The following PDE7B variants were observed in gnomAD, a reference collection of about 807,000 sequenced individuals.
PDE7B encodes phosphodiesterase 7B.
In PDE7B, 29 loss-of-function variants were observed where a neutral mutation model predicts 56.2. That is an observed-to-expected ratio of 0.52 (90% CI 0.38 to 0.70). The LOEUF is 0.70. Among genes scored for constraint, PDE7B ranks in the 30% least tolerant of loss-of-function variants. The pLI is 0.00. For synonymous variants in PDE7B, 197 were observed against 196.9 expected (o/e 1.00, Z 0.00); for missense variants, 490 against 565.0 (o/e 0.87, Z 1.35).
intron 1 of PDE7B, among the ~76,000 whole-genome samples, chr6:135,946,735 A>T (rs1774602564): frequency 6.6e-6 from 1 of 151,790 alleles, no homozygotes; most frequent in Admixed American, 6.6e-5. Flanking sequence ...TACTTTATCC[A>T]TTTTTCTATT....
At chr6:135,920,520 T>A (rs1025646623) in intron 1 of PDE7B, among the ~76,000 whole-genome samples, 6 of 152,170 alleles carry the variant, frequency 3.9e-5, no homozygotes, top group Admixed American at 3.3e-4. Context: ...AAAAGACCAG[T>A]CTCTCTGGAC....
intron 2 of PDE7B, among the ~76,000 whole-genome samples, chr6:136,053,529 G>A (rs1418813488): frequency 1.3e-5 from 2 of 152,120 alleles, no homozygotes; most frequent in African/African-American, 4.8e-5. Context: ...ATGTGTGCAT[G>A]TGTCTTTAGA....
intron 2 of PDE7B, among the ~76,000 whole-genome samples, chr6:136,099,765 C>T (rs1363032591): frequency 6.6e-6 from 1 of 152,160 alleles, no homozygotes. Context: ...TGTGCAGAAG[C>T]TCTTTAGTTT....
chr6:136,112,342 C>A (rs1777763221), intron 3 of PDE7B, among the ~76,000 whole-genome samples: 1 of 152,174 alleles, frequency 6.6e-6, no homozygotes, highest in Non-Finnish European at 1.5e-5. Flanking sequence ...CCTCCTCCTG[C>A]CTGTTTTGGT....
At chr6:136,065,293 C>T (rs1427183440) in intron 2 of PDE7B, among the ~76,000 whole-genome samples, 1 of 152,134 alleles carries the variant, frequency 6.6e-6, no homozygotes, top group South Asian at 2.1e-4. Context: ...ACAAAACCAC[C>T]TTTGAGGCTA....
chr6:135,922,688 A>G (rs548820204), intron 1 of PDE7B, among the ~76,000 whole-genome samples: 2 of 152,328 alleles, frequency 1.3e-5, no homozygotes, highest in Non-Finnish European at 2.9e-5. Flanking sequence ...TTATGAAACA[A>G]TGAATGCAAA....
At chr6:135,949,305 A>G (rs1209921040) in intron 2 of PDE7B, among the ~76,000 whole-genome samples, 2 of 152,070 alleles carry the variant, frequency 1.3e-5, no homozygotes, top group Admixed American at 1.3e-4. Context: ...GTTTATAGCT[A>G]GAACAGTAAG....
chr6:136,151,782 A>ATCACAAGGTC (rs71006788), intron 6 of PDE7B, among the ~76,000 whole-genome samples: 1 of 151,560 alleles, frequency 6.6e-6, no homozygotes, highest in Admixed American at 6.6e-5. Context: ...AAAAATACAA[A>ATCACAAGGTC]AAAAAAATTA....
chr6:136,167,846 C>T lies in PDE7B; in HGVS notation c.712-5951C>T, dbSNP rs116655188. Among the ~76,000 whole-genome samples, 929 of 152,280 alleles carry T rather than the reference C, an allele frequency of 6.1e-3. 8 individuals carry two copies. Among genetic ancestry groups the T allele is most frequent in the African/African-American group, 0.021 (893 of 41,558 alleles). ...GATACAAAAGGAACAAGGTCGGCTGCCTACTCATACCTAGCTTATAATGTA... is the reference window on the plus strand; with the variant it reads ...GATACAAAAGGAACAAGGTCGGCTGTCTACTCATACCTAGCTTATAATGTA... On this transcript the variant is annotated intron_variant, in intron 8 of 12. Transcript: ENST00000308191.
At chr6:135,983,397 T>C (rs1241816587) in intron 2 of PDE7B, among the ~76,000 whole-genome samples, 1 of 152,220 alleles carries the variant, frequency 6.6e-6, no homozygotes, top group East Asian at 1.9e-4. Context: ...AATTACATTT[T>C]GTTGTGTGTA....
intron 2 of PDE7B, among the ~76,000 whole-genome samples, chr6:135,952,551 C>T (rs1774720827): frequency 6.6e-6 from 1 of 152,108 alleles, no homozygotes; most frequent in Non-Finnish European, 1.5e-5. Context: ...ATGTATGCAA[C>T]ACCAACTCGA....
chr6:136,119,618 A>G (rs772493193), intron 3 of PDE7B, among the ~76,000 whole-genome samples: 7 of 152,246 alleles, frequency 4.6e-5, no homozygotes, highest in Non-Finnish European at 7.3e-5. Flanking sequence ...GCACAAAATC[A>G]AAGTTCTTAT....
intron 2 of PDE7B, among the ~76,000 whole-genome samples, chr6:135,986,874 T>C (rs1775385100): frequency 6.6e-6 from 1 of 152,192 alleles, no homozygotes; most frequent in Non-Finnish European, 1.5e-5. Flanking sequence ...ATTCCCATTG[T>C]GTGACCAGTG....
intron 1 of PDE7B, among the ~76,000 whole-genome samples, chr6:135,934,338 G>C (rs975415819): frequency 6.6e-6 from 1 of 151,986 alleles, no homozygotes; most frequent in East Asian, 1.9e-4. Context: ...CCATTTACAG[G>C]ATACGTACTC....
intron 10 of PDE7B, 124 bp from the exon 11 acceptor site, chr6:136,181,103 C>A: frequency 1.4e-6 from 1 of 703,204 alleles, no homozygotes; most frequent in South Asian, 1.6e-5. Context: ...CAGGGAGGTA[C>A]TCTGTAAATA....
intron 8 of PDE7B, among the ~76,000 whole-genome samples, chr6:136,164,428 C>A (rs1356939762): frequency 6.6e-6 from 1 of 152,064 alleles, no homozygotes; most frequent in African/African-American, 2.4e-5. Context: ...GGGACACAGC[C>A]AAACCATATC....
chr6:135,970,915 C>T (rs1258757120), intron 2 of PDE7B, among the ~76,000 whole-genome samples: 1 of 152,082 alleles, frequency 6.6e-6, no homozygotes, highest in Non-Finnish European at 1.5e-5. Flanking sequence ...GGGAAGCGTG[C>T]ATCCTTGGCT....
intron 2 of PDE7B, among the ~76,000 whole-genome samples, chr6:136,009,739 A>G (rs906747081): frequency 6.6e-6 from 1 of 152,228 alleles, no homozygotes; most frequent in Non-Finnish European, 1.5e-5. Context: ...TTGGGCTAAG[A>G]CGATGGGGTT....
At chr6:135,874,075 T>G (rs1243994292) in intron 1 of PDE7B, among the ~76,000 whole-genome samples, 1 of 152,096 alleles carries the variant, frequency 6.6e-6, no homozygotes, top group African/African-American at 2.4e-5. Flanking sequence ...GGCATGAAAT[T>G]TTTAAGAAGG....
Sources: gnomAD v4.1 joint callset for allele counts (sites outside exome capture counted in the v4.1 genomes callset) on GRCh38, gnomAD v4.1.1 for gene constraint, MANE v1.5 for transcripts, NCBI Gene and HGNC (gene_info 2026-07-23, HGNC 2026-07-21) for gene names.